AGMO: variants seen among roughly 807,000 people sequenced by gnomAD.
AGMO encodes glyceryl-ether monooxygenase.
AGMO carries 75 observed loss-of-function variants against 60.2 expected under a neutral mutation model. That is an observed-to-expected ratio of 1.25 (90% CI 1.03 to 1.51). The LOEUF (loss-of-function observed/expected upper bound fraction) is 1.51. Among genes scored for constraint, AGMO ranks in the 40% most tolerant of loss-of-function variants. The probability of loss-of-function intolerance (pLI) is 0.00; values close to 1 mark genes in which losing one functional copy is unlikely to be tolerated. For missense variants in AGMO, 763 were observed against 525.5 expected, an observed-to-expected ratio of 1.45 and a Z score of -4.42; for synonymous variants, 261 against 177.1, an observed-to-expected ratio of 1.47 and a Z score of -3.76.
chr7:15,301,041 C>A (rs538433904), intron 12 of AGMO, among the ~76,000 whole-genome samples: 37 of 152,206 alleles, frequency 2.4e-4, no homozygotes, highest in African/African-American at 7.9e-4. Flanking sequence ...TTTTTATGCT[C>A]CAGAAAACAA....
intron 12 of AGMO, among the ~76,000 whole-genome samples, chr7:15,307,524 A>C (rs1395309059): frequency 1.3e-5 from 2 of 151,944 alleles, no homozygotes; most frequent in African/African-American, 2.4e-5. Context: ...AAAGTATACT[A>C]GTTTTTTTTT....
At chr7:15,253,523 A>T (rs1196202492) in intron 12 of AGMO, among the ~76,000 whole-genome samples, 1 of 152,090 alleles carries the variant, frequency 6.6e-6, no homozygotes, top group African/African-American at 2.4e-5. Context: ...CTAATAATGA[A>T]TTTGAAGTGA....
At chr7:15,191,606 T>A in the AGMO span, among the ~76,000 whole-genome samples, 1 of 152,202 alleles carries the variant, frequency 6.6e-6, no homozygotes, top group Admixed American at 6.5e-5. Context: ...GGCAACGAAG[T>A]AAGTCTTCGT....
intron 10 of AGMO, among the ~76,000 whole-genome samples, chr7:15,377,355 G>C (rs755179268): frequency 6.6e-6 from 1 of 151,766 alleles, no homozygotes; most frequent in African/African-American, 2.4e-5. Context: ...ATTTCTCTTC[G>C]TCAATATATC....
At chr7:15,299,248 T>C (rs1284837632) in intron 12 of AGMO, among the ~76,000 whole-genome samples, 2 of 151,944 alleles carry the variant, frequency 1.3e-5, no homozygotes, top group Non-Finnish European at 2.9e-5. Flanking sequence ...AATAACAATA[T>C]AATATAAAGG....
intron 12 of AGMO, among the ~76,000 whole-genome samples, chr7:15,316,550 T>C (rs896611217): frequency 6.6e-6 from 1 of 152,164 alleles, no homozygotes; most frequent in African/African-American, 2.4e-5. Flanking sequence ...GGTTCATCTT[T>C]GCTTGGCCAA....
intron 12 of AGMO, among the ~76,000 whole-genome samples, chr7:15,322,906 A>G (rs926756767): frequency 6.8e-6 from 1 of 147,202 alleles, no homozygotes; most frequent in Non-Finnish European, 1.5e-5. Flanking sequence ...GAAAAAATAT[A>G]TATATACACA....
chr7:15,214,970 C>G (rs1490722394), intron 12 of AGMO, among the ~76,000 whole-genome samples: 1 of 152,020 alleles, frequency 6.6e-6, no homozygotes. Context: ...AGCAGTGATC[C>G]TATAAGAGCC....
intron 12 of AGMO, among the ~76,000 whole-genome samples, chr7:15,265,343 T>C (rs1375576722): frequency 6.6e-6 from 1 of 151,950 alleles, no homozygotes; most frequent in Admixed American, 6.6e-5. Context: ...GTACTATGCT[T>C]TCTGCCCTGG....
At chr7:15,344,853 AT>A (rs1444049629) in intron 12 of AGMO, among the ~76,000 whole-genome samples, 2 of 152,168 alleles carry the variant, frequency 1.3e-5, no homozygotes, top group Non-Finnish European at 2.9e-5. Flanking sequence ...ATCTGTCAAC[AT>A]TTTATCTGAA....
chr7:15,322,302 G>C (rs114690896), intron 12 of AGMO, among the ~76,000 whole-genome samples: 3,224 of 147,228 alleles, frequency 0.022, 119 homozygotes, highest in African/African-American at 0.077. Context: ...AAAGCACTAA[G>C]TAAACTTTAT....
At chr7:15,461,797 C>T (rs1028220131) in intron 3 of AGMO, among the ~76,000 whole-genome samples, 1 of 152,022 alleles carries the variant, frequency 6.6e-6, no homozygotes, top group African/African-American at 2.4e-5. Flanking sequence ...CATGTATATA[C>T]TTGAAGAAGT....
intron 3 of AGMO, among the ~76,000 whole-genome samples, chr7:15,542,159 T>G (rs1217183857): frequency 6.6e-6 from 1 of 152,168 alleles, no homozygotes; most frequent in Non-Finnish European, 1.5e-5. Flanking sequence ...CAAATAAAAT[T>G]TAAAAATTAA....
At chr7:15,371,451 C>T (rs193160846) in intron 10 of AGMO, among the ~76,000 whole-genome samples, 211 of 151,900 alleles carry the variant, frequency 1.4e-3, no homozygotes, top group African/African-American at 4.6e-3. Flanking sequence ...AGTGCAATGG[C>T]GCCATCTCGG....
At chr7:15,267,977 A>G (rs999264839) in intron 12 of AGMO, among the ~76,000 whole-genome samples, 1 of 152,120 alleles carries the variant, frequency 6.6e-6, no homozygotes, top group Non-Finnish European at 1.5e-5. Flanking sequence ...TTTGTTATCC[A>G]TCTCAAAACT....
intron 12 of AGMO, 55 bp from the exon 13 acceptor site, chr7:15,201,414 G>A (rs1030252456): frequency 8.2e-7 from 1 of 1,224,862 alleles, no homozygotes; most frequent in Admixed American, 1.9e-5. Context: ...CAATACTATT[G>A]CTCAACTGAA....
chr7:15,422,331 C>G (rs1780948159), intron 4 of AGMO, among the ~76,000 whole-genome samples: 1 of 149,990 alleles, frequency 6.7e-6, no homozygotes, highest in African/African-American at 2.5e-5. Flanking sequence ...CAGAAGGAGC[C>G]AGTTGAAAGG....
rs1317860214 is a variant in AGMO at position 15,229,730 on chromosome 7, TA to T, written c.1264-28372del. On this transcript the variant is annotated intron_variant, in intron 12 of 12. Transcript: ENST00000342526. Reference sequence around the variant, plus strand: ...TATATATATTATATTATATATAAATTATATATTATAATATATATAAATAATT... The same window carrying T: ...TATATATATTATATTATATATAAATTTATATTATAATATATATAAATAATT... Among the ~76,000 whole-genome samples, 21 of 144,010 alleles carry T rather than the reference TA, an allele frequency of 1.5e-4. 1 individual carries two copies. The East Asian group carries it at 4.1e-3, about 28-fold the overall frequency. The allele number at this position is 144,010 out of a possible 152,430, so 94.5% of individuals were successfully genotyped here.
intron 12 of AGMO, among the ~76,000 whole-genome samples, chr7:15,303,657 G>C (rs954311084): frequency 6.6e-6 from 1 of 152,116 alleles, no homozygotes; most frequent in African/African-American, 2.4e-5. Flanking sequence ...TGCCATAAAA[G>C]AATGTGAGGA....
Sources: allele counts gnomAD v4.1 joint callset (sites outside exome capture counted in the v4.1 genomes callset), GRCh38; gene constraint gnomAD v4.1.1; transcripts MANE v1.5; gene names NCBI Gene and HGNC (gene_info 2026-07-23, HGNC 2026-07-21).